Variants in DIPK1A observed in about 807,000 individuals in gnomAD.
The protein encoded by DIPK1A is family with sequence similarity 69 member A.
A neutral mutation model predicts 40.8 loss-of-function variants in DIPK1A; 27 were observed. The observed-to-expected ratio is 0.66, with a 90% confidence interval of 0.49 to 0.91. DIPK1A has a LOEUF of 0.91. DIPK1A is among the 40% of genes least tolerant of loss of function. The probability of loss-of-function intolerance (pLI) is 0.00; values close to 1 mark genes in which losing one functional copy is unlikely to be tolerated. For synonymous variants in DIPK1A, 166 were observed against 171.3 expected (o/e 0.97, Z 0.24); for missense variants, 412 against 505.7 (o/e 0.81, Z 1.78).
intron 1 of DIPK1A, among the ~76,000 whole-genome samples, chr1:92,925,797 A>G (rs1557487682): frequency 1.3e-5 from 2 of 152,054 alleles, no homozygotes; most frequent in African/African-American, 4.8e-5. Flanking sequence ...CCAGGCCAAG[A>G]CTATTCAGTT....
Position 92,843,007 on chromosome 1 carries a change from GA to G in DIPK1A, c.*375del. ...TAGTAAATTTATAAATTTTCTTGTTGAACAGCAGCTTCAATGCAAACACAAT... is the reference window on the plus strand; with the variant it reads ...TAGTAAATTTATAAATTTTCTTGTTGACAGCAGCTTCAATGCAAACACAAT... On this transcript the variant is annotated 3_prime_UTR_variant, in exon 5 of 5. Coordinates refer to ENST00000370310, the MANE Select transcript of DIPK1A (RefSeq NM_001006605.5). The G allele has an allele frequency of 1.0e-6, 1 of 995,570 alleles. No individual in the cohort carries two copies. The highest frequency in any genetic ancestry group is 1.2e-6 in the Non-Finnish European group (1 of 836,836). 61.7% of individuals were successfully genotyped at this position (995,570 alleles called of 1,614,324 possible).
intron 1 of DIPK1A, among the ~76,000 whole-genome samples, chr1:92,944,513 G>A (rs1164164815): frequency 6.6e-6 from 1 of 152,178 alleles, no homozygotes; most frequent in Non-Finnish European, 1.5e-5. Context: ...TCAGCAACAG[G>A]GGATATCAGA....
intron 1 of DIPK1A, among the ~76,000 whole-genome samples, chr1:92,948,140 T>G (rs1004434706): frequency 1.3e-5 from 2 of 152,208 alleles, no homozygotes; most frequent in African/African-American, 4.8e-5. Flanking sequence ...ACATGGAGAC[T>G]TGGTTGTACA....
At position 92,853,620 on chromosome 1, in the gene DIPK1A, G is replaced by GT. The variant is rs544150208; in HGVS notation, c.190-2666dup. 5.0e-4 allele frequency among the ~76,000 whole-genome samples: 76 copies of GT among 152,306 alleles called. 1 individual carries two copies. Among genetic ancestry groups the GT allele is most frequent in the African/African-American group, 1.8e-3 (76 of 41,568 alleles). ...AGCATCCTTATGAGGATTAAATAGT[G>GT]TAAGTATAGACCACCTGTGACTTTA... On this transcript the variant is annotated intron_variant, in intron 2 of 4. Coordinates refer to ENST00000370310, the MANE Select transcript of DIPK1A (RefSeq NM_001006605.5).
intron 2 of DIPK1A, among the ~76,000 whole-genome samples, chr1:92,854,459 G>T (rs1454605132): frequency 6.6e-6 from 1 of 152,174 alleles, no homozygotes; most frequent in African/African-American, 2.4e-5. Flanking sequence ...AGGCTCCTCA[G>T]GCCTGCCTCC....
intron 1 of DIPK1A, among the ~76,000 whole-genome samples, chr1:92,920,430 G>C (rs1478719381): frequency 6.6e-6 from 1 of 152,190 alleles, no homozygotes; most frequent in Admixed American, 6.5e-5. Context: ...CAGCCACGTG[G>C]AACTGTGAGT....
At chr1:92,960,265 T>C (rs1652018539) in intron 1 of DIPK1A, among the ~76,000 whole-genome samples, 1 of 152,142 alleles carries the variant, frequency 6.6e-6, no homozygotes, top group East Asian at 1.9e-4. Flanking sequence ...TTCAGGGTAA[T>C]GACTTACACA....
At chr1:92,834,134 T>A (rs1352169711) in intron 4 of DIPK1A, among the ~76,000 whole-genome samples, 3 of 152,158 alleles carry the variant, frequency 2.0e-5, no homozygotes, top group East Asian at 1.9e-4. Flanking sequence ...TAGAAGTAAG[T>A]AAGAAGTTCT....
At chr1:92,923,542 T>G (rs578045362) in intron 1 of DIPK1A, among the ~76,000 whole-genome samples, 1 of 152,324 alleles carries the variant, frequency 6.6e-6, no homozygotes, top group South Asian at 2.1e-4. Flanking sequence ...TAATAAATAA[T>G]TTTCAGAGAG....
chr1:92,886,085 C>T (rs1229284667), intron 1 of DIPK1A, among the ~76,000 whole-genome samples: 1 of 152,060 alleles, frequency 6.6e-6, no homozygotes, highest in Non-Finnish European at 1.5e-5. Context: ...GTAATCCCAG[C>T]ACTTTGGGAG....
intron 1 of DIPK1A, among the ~76,000 whole-genome samples, chr1:92,913,593 A>C (rs1649929382): frequency 6.6e-6 from 1 of 152,220 alleles, no homozygotes; most frequent in African/African-American, 2.4e-5. Flanking sequence ...AATAATCTCT[A>C]AAGTTCCTTC....
At chr1:92,959,900 CAA>C in intron 1 of DIPK1A, among the ~76,000 whole-genome samples, 1 of 39,216 alleles carries the variant, frequency 2.5e-5, no homozygotes, top group Non-Finnish European at 5.0e-5. Flanking sequence ...GGCACCCAAC[CAA>C]CTTTTTTTTT....
chr1:92,842,753 T>G lies in DIPK1A; in HGVS notation c.*630A>C. 1.0e-6 allele frequency: 1 copy of G among 985,400 alleles called. No individual in the cohort carries two copies. The highest frequency in any genetic ancestry group is 1.2e-6 in the Non-Finnish European group (1 of 829,904). The allele number at this position is 985,400 out of a possible 1,614,324, so 61.0% of individuals were successfully genotyped here. A position where few individuals can be genotyped will look rare whatever the true frequency, so the allele number is the denominator to read the frequency against. ...TTTAGGAAAGTTCATCCATTTTTAGTCAATAAAATTGGTGTACTGTCAAGT... is the reference window on the plus strand; with the variant it reads ...TTTAGGAAAGTTCATCCATTTTTAGGCAATAAAATTGGTGTACTGTCAAGT... On this transcript the variant is annotated 3_prime_UTR_variant, in exon 5 of 5. Coordinates refer to ENST00000370310, the MANE Select transcript of DIPK1A (RefSeq NM_001006605.5).
chr1:92,884,902 G>A (rs190225170), intron 1 of DIPK1A, among the ~76,000 whole-genome samples: 26 of 152,152 alleles, frequency 1.7e-4, no homozygotes, highest in African/African-American at 6.3e-4. Context: ...GTATCCAGGG[G>A]CTGATTATAA....
chr1:92,836,426 C>T, intron 4 of DIPK1A: 1 of 1,583,510 alleles, frequency 6.3e-7, no homozygotes, highest in Non-Finnish European at 8.7e-7. Context: ...GGTGCCTGGA[C>T]CGTGGTACTT....
At chr1:92,899,176 A>C (rs563108269) in intron 1 of DIPK1A, among the ~76,000 whole-genome samples, 2 of 152,258 alleles carry the variant, frequency 1.3e-5, no homozygotes, top group Admixed American at 1.3e-4. Flanking sequence ...ATCAGACTCT[A>C]TCTCTCCATT....
chr1:92,872,245 A>G (rs1647906270), intron 2 of DIPK1A, among the ~76,000 whole-genome samples: 1 of 151,460 alleles, frequency 6.6e-6, no homozygotes, highest in Admixed American at 6.6e-5. Flanking sequence ...ACACTCGGCT[A>G]ATTTTTTTGT....
Position 92,844,041 on chromosome 1 carries a change from T to TG in DIPK1A, c.628dup (p.Gln210ProfsTer3). 1 of 1,552,146 alleles carries TG rather than the reference T, an allele frequency of 6.4e-7. No homozygotes were observed. Among genetic ancestry groups the TG allele is most frequent in the Non-Finnish European group, 8.7e-7 (1 of 1,147,076 alleles). On this transcript the variant is annotated frameshift_variant, in exon 5 of 5. Transcript: ENST00000370310. LOFTEE classifies it high-confidence loss of function. ...TAATTTGGGGGTATGTTCTTTATCT[T>TG]GAAGTATCACCATGAGAAGAAATTC...
At chr1:92,876,723 G>A (rs1265610990) in intron 1 of DIPK1A, among the ~76,000 whole-genome samples, 1 of 152,150 alleles carries the variant, frequency 6.6e-6, no homozygotes, top group African/African-American at 2.4e-5. Flanking sequence ...CATGTACCAT[G>A]CTACCCTGGG....
Sources: allele counts gnomAD v4.1 joint callset (sites outside exome capture counted in the v4.1 genomes callset), GRCh38; gene constraint gnomAD v4.1.1; transcripts MANE v1.5; gene names NCBI Gene and HGNC (gene_info 2026-07-23, HGNC 2026-07-21).